Variants in ARHGEF12 observed in about 807,000 individuals in gnomAD.
The protein encoded by ARHGEF12 is KMT2A/ARHGEF12 fusion protein.
Under a neutral mutation model 211.2 loss-of-function variants are expected in ARHGEF12, and 66 were observed. The ratio of observed to expected loss-of-function variants is 0.31; its 90% CI spans 0.26 to 0.38. ARHGEF12 has a LOEUF of 0.38. Ranked by LOEUF, ARHGEF12 falls within the 10% of genes least tolerant of loss-of-function variation. The pLI, the probability that ARHGEF12 is intolerant of heterozygous loss-of-function variation, is 1.00. For missense variants in ARHGEF12, 1,429 were observed against 1,869.5 expected (o/e 0.76, Z 4.34); for synonymous variants, 592 against 638.4 (o/e 0.93, Z 1.09).
chr11:120,351,205 C>T (rs1942928764), intron 1 of ARHGEF12, among the ~76,000 whole-genome samples: 1 of 150,026 alleles, frequency 6.7e-6, no homozygotes, highest in Non-Finnish European at 1.5e-5. Context: ...AAAAAAATTA[C>T]CTGGGTGTGG....
chr11:120,442,571 T>C (rs1212170267), intron 15 of ARHGEF12, among the ~76,000 whole-genome samples: 1 of 152,104 alleles, frequency 6.6e-6, no homozygotes, highest in Non-Finnish European at 1.5e-5. Context: ...AATACTTGAA[T>C]AACTGAACTC....
intron 29 of ARHGEF12, among the ~76,000 whole-genome samples, chr11:120,467,808 T>C (rs1946752698): frequency 6.6e-6 from 1 of 152,158 alleles, no homozygotes; most frequent in African/African-American, 2.4e-5. Context: ...GTAGCTTTAG[T>C]ACGGGGTATA....
In ARHGEF12 at chr11:120,480,066, G is replaced by A. The variant is rs373504530; in HGVS notation, c.3873G>A (p.Pro1291=). 172 of 1,614,036 alleles carry A rather than the reference G, an allele frequency of 1.1e-4. No individual in the cohort carries two copies. Among genetic ancestry groups the A allele is most frequent in the African/African-American group, 2.7e-4 (20 of 74,906 alleles). ...FPRYRTASQG[P]QTDSVIQNSE... is the part of the protein sequence containing the mutation. Reference sequence around the variant, plus strand: ...GATACAGAACAGCCTCTCAGGGGCCGCAGACAGACAGTGTCATCCAGAACT... The same window carrying A: ...GATACAGAACAGCCTCTCAGGGGCCACAGACAGACAGTGTCATCCAGAACT... The change falls in exon 38 of 41, where the codon CCG becomes CCA. Residue 1291 remains proline (P), a synonymous_variant. Coordinates refer to ENST00000397843, the MANE Select transcript of ARHGEF12 (RefSeq NM_015313.3).
At chr11:120,434,847 T>C (rs1257449319) in intron 11 of ARHGEF12, among the ~76,000 whole-genome samples, 2 of 152,194 alleles carry the variant, frequency 1.3e-5, no homozygotes, top group African/African-American at 4.8e-5. Flanking sequence ...TATTCAAAAG[T>C]AAAGACTAAC....
chr11:120,442,172 G>A lies in ARHGEF12; in HGVS notation c.1272G>A (p.Glu424=), dbSNP rs771594468. 1.1e-5 allele frequency: 17 copies of A among 1,610,050 alleles called. No homozygotes were observed. Among genetic ancestry groups the A allele is most frequent in the Non-Finnish European group, 1.4e-5 (17 of 1,179,136 alleles). Residue 424 remains glutamate, a synonymous_variant, in exon 15 of 41, where the codon GAG becomes GAA. Coordinates refer to ENST00000397843, the MANE Select transcript of ARHGEF12 (RefSeq NM_015313.3). ...NSKETRRIFL[E]FHQFFLDRSA... ...AAGAAACTCGTCGCATCTTCCTTGAGTTTCATCAGTTCTTTCTAGATCGAT... is the reference window on the plus strand; with the variant it reads ...AAGAAACTCGTCGCATCTTCCTTGAATTTCATCAGTTCTTTCTAGATCGAT...
intron 8 of ARHGEF12, 88 bp downstream of exon 8, chr11:120,428,335 T>C (rs561963108): frequency 4.4e-6 from 5 of 1,123,886 alleles, no homozygotes; most frequent in South Asian, 3.0e-5. Context: ...ATTCGGCTGA[T>C]GAACTAATTA....
intron 1 of ARHGEF12, among the ~76,000 whole-genome samples, chr11:120,348,702 A>G (rs1343012623): frequency 1.3e-5 from 2 of 152,104 alleles, no homozygotes; most frequent in African/African-American, 4.8e-5. Context: ...TTAGCTGGGC[A>G]TGGTGGCACA....
At chr11:120,477,629 T>TTA in intron 36 of ARHGEF12, 103 bp downstream of exon 36, 2 of 1,073,166 alleles carry the variant, frequency 1.9e-6, no homozygotes, top group Non-Finnish European at 2.7e-6. Flanking sequence ...CTTTGGGAGG[T>TTA]CGAGATAGGC....
chr11:120,397,090 T>G lies in ARHGEF12; in HGVS notation c.33-9028T>G, dbSNP rs1049229692. On this transcript the variant is annotated intron_variant, in intron 1 of 40. Transcript: ENST00000397843. Reference sequence around the variant, plus strand: ...TTGTAGCTTTGGGCATTTATTCAGTTTGTGGATAGTATAATAATTGCTATT... The same window carrying G: ...TTGTAGCTTTGGGCATTTATTCAGTGTGTGGATAGTATAATAATTGCTATT... Among the ~76,000 whole-genome samples, 3 of 152,254 alleles carry G rather than the reference T, an allele frequency of 2.0e-5. No individual in the cohort carries two copies. In the East Asian group the frequency reaches 5.8e-4, roughly 29 times the overall value.
intron 1 of ARHGEF12, among the ~76,000 whole-genome samples, chr11:120,340,326 G>A (rs1224787001): frequency 6.6e-6 from 1 of 152,194 alleles, no homozygotes; most frequent in Non-Finnish European, 1.5e-5. Flanking sequence ...TGAATTTTCA[G>A]GGACAGTACA....
intron 1 of ARHGEF12, 152 bp from the exon 2 acceptor site, chr11:120,405,966 A>G (rs775949461): frequency 5.1e-6 from 3 of 588,994 alleles, no homozygotes; most frequent in Middle Eastern, 4.4e-4. Context: ...ATGGTGTTCA[A>G]CTTCTTATTC....
At chr11:120,382,012 A>G (rs1014979098) in intron 1 of ARHGEF12, among the ~76,000 whole-genome samples, 3 of 152,248 alleles carry the variant, frequency 2.0e-5, no homozygotes, top group African/African-American at 7.2e-5. Flanking sequence ...GTGTAAATTA[A>G]TAGTTCATTT....
In ARHGEF12 at chr11:120,488,764, A is replaced by G. The variant is rs1947463626; in HGVS notation, c.*3687A>G. On this transcript the variant is annotated 3_prime_UTR_variant, in exon 41 of 41. Transcript: ENST00000397843. ...ACCATACAATCATGTACTCTTTAAC[A>G]GAAATTGCTTTTAAAAAATATCTGG... 4.7e-6 allele frequency: 1 copy of G among 214,020 alleles called. No individual in the cohort carries two copies. The highest frequency in any genetic ancestry group is 5.8e-5 in the Admixed American group (1 of 17,098). 13.3% of individuals were successfully genotyped at this position (214,020 alleles called of 1,614,324 possible).
chr11:120,386,615 A>G (rs1944036256), intron 1 of ARHGEF12, among the ~76,000 whole-genome samples: 1 of 152,138 alleles, frequency 6.6e-6, no homozygotes, highest in Admixed American at 6.5e-5. Context: ...TAGTCTAGTA[A>G]AGGATATAAA....
chr11:120,449,742 A>G (rs527635276), intron 21 of ARHGEF12: 17 of 151,652 alleles, frequency 1.1e-4, no homozygotes, highest in Admixed American at 9.2e-4. Flanking sequence ...ACGAAAACAC[A>G]CATCTTTAGT....
intron 1 of ARHGEF12, among the ~76,000 whole-genome samples, chr11:120,368,132 C>T (rs114084414): frequency 0.013 from 2,033 of 152,180 alleles, 56 homozygotes; most frequent in African/African-American, 0.047. Context: ...GGCTGGGCCA[C>T]AGCGGCATGA....
At chr11:120,406,526 CTAGTT>C (rs1944708005) in intron 2 of ARHGEF12, among the ~76,000 whole-genome samples, 2 of 151,864 alleles carry the variant, frequency 1.3e-5, no homozygotes, top group South Asian at 4.2e-4. Flanking sequence ...TACTTTGGTA[CTAGTT>C]TAGTCTTAAT....
Position 120,337,089 on chromosome 11 carries a change from A to G in ARHGEF12, c.-155A>G. 1 of 836,088 alleles carries G rather than the reference A, an allele frequency of 1.2e-6. No individual in the cohort carries two copies. Among genetic ancestry groups the G allele is most frequent in the Non-Finnish European group, 2.0e-6 (1 of 509,680 alleles). The allele number at this position is 836,088 out of a possible 1,614,324, so 51.8% of individuals were successfully genotyped here. Reference sequence around the variant, plus strand: ...TCCAAGCCGCATCCGTTGACCCCTTACAGTCGGATGGTCTAGATGACTGAA... The same window carrying G: ...TCCAAGCCGCATCCGTTGACCCCTTGCAGTCGGATGGTCTAGATGACTGAA... On this transcript the variant is annotated 5_prime_UTR_variant, in exon 1 of 41. Transcript: ENST00000397843.
chr11:120,407,135 C>T (rs1395361639), intron 2 of ARHGEF12, among the ~76,000 whole-genome samples: 1 of 152,142 alleles, frequency 6.6e-6, no homozygotes, highest in Non-Finnish European at 1.5e-5. Context: ...TGTATGTGTA[C>T]ATATGTATTA....
Sources: allele counts gnomAD v4.1 joint callset (sites outside exome capture counted in the v4.1 genomes callset), GRCh38; gene constraint gnomAD v4.1.1; transcripts MANE v1.5; gene names NCBI Gene and HGNC (gene_info 2026-07-23, HGNC 2026-07-21).